Variants in AGAP1 observed in about 807,000 individuals in gnomAD.
The protein encoded by AGAP1 is arf-GAP with GTPase, ANK repeat and PH domain-containing protein 1.
In AGAP1, 29 loss-of-function variants were observed where a neutral mutation model predicts 105.3. The ratio of observed to expected loss-of-function variants is 0.28; its 90% CI spans 0.21 to 0.38. AGAP1 has a LOEUF of 0.38. AGAP1 is among the 10% of genes least tolerant of loss of function. AGAP1 has a pLI of 1.00. For synonymous variants in AGAP1, 509 were observed against 485.9 expected, an observed-to-expected ratio of 1.05 and a Z score of -0.63; for missense variants, 998 against 1,165.1, an observed-to-expected ratio of 0.86 and a Z score of 2.09.
chr2:235,704,250 C>G (rs1481266942), intron 1 of AGAP1, among the ~76,000 whole-genome samples: 1 of 152,228 alleles, frequency 6.6e-6, no homozygotes, highest in Non-Finnish European at 1.5e-5. Context: ...CAGAAATTCC[C>G]GCTCTTGGAG....
In AGAP1 at chr2:235,639,377, C is replaced by T. The variant is rs932462144; in HGVS notation, c.164-69802C>T. The stretch of plus-strand genomic sequence containing the variant: ...AGCTCACCCAGGACCACGGTGTGGC[C>T]TGAGAAGTCGGCCTGCGATAGAACC... On this transcript the variant is annotated intron_variant, in intron 1 of 17. Coordinates refer to ENST00000304032, the MANE Select transcript of AGAP1 (RefSeq NM_001037131.3). This position sits in a 1 kb window ranked among gnomAD's most constrained non-coding sequence, Gnocchi z 5.3. Among the ~76,000 whole-genome samples the T allele has an allele frequency of 1.3e-5, 2 of 152,096 alleles. No individual in the cohort carries two copies. The highest frequency in any genetic ancestry group is 2.1e-4 in the South Asian group (1 of 4,828).
intron 16 of AGAP1, among the ~76,000 whole-genome samples, chr2:236,064,897 A>G (rs961497336): frequency 1.3e-5 from 2 of 152,262 alleles, no homozygotes; most frequent in Non-Finnish European, 2.9e-5. Flanking sequence ...CTGTTCTGTA[A>G]TATTCCAGAG....
At chr2:235,968,361 G>T in intron 12 of AGAP1, 101 bp from the exon 13 acceptor site, 2 of 1,413,824 alleles carry the variant, frequency 1.4e-6, no homozygotes, top group Non-Finnish European at 1.9e-6. Flanking sequence ...GGCCTGTGTG[G>T]TATGAGAGGA....
Position 236,036,789 on chromosome 2 carries a change from G to A in AGAP1, c.1800+74G>A. 2.5e-6 allele frequency: 4 copies of A among 1,575,888 alleles called. No homozygotes were observed. Among genetic ancestry groups the A allele is most frequent in the Admixed American group, 1.9e-5 (1 of 51,800 alleles). ...GTGCGGGCCCCAAGTAATGCCCCAGGGAGGAGAAAATAGAGGACCAGTGTG... is the reference window on the plus strand; with the variant it reads ...GTGCGGGCCCCAAGTAATGCCCCAGAGAGGAGAAAATAGAGGACCAGTGTG... On this transcript the variant is annotated intron_variant, in intron 14 of 17. Transcript: ENST00000304032. This position sits in a 1 kb window ranked among gnomAD's most constrained non-coding sequence, Gnocchi z 5.7.
At chr2:235,935,340 T>A (rs937560766) in intron 12 of AGAP1, among the ~76,000 whole-genome samples, 1 of 152,194 alleles carries the variant, frequency 6.6e-6, no homozygotes, top group Non-Finnish European at 1.5e-5. Flanking sequence ...ATTTTTTAAA[T>A]GCAGAAACAT....
rs2058102470 is a variant in AGAP1, at chr2:236,058,405, G to A, written c.2114+9124G>A. Among the ~76,000 whole-genome samples, 2 of 152,230 alleles carry A rather than the reference G, an allele frequency of 1.3e-5. No individual in the cohort carries two copies. The highest frequency in any genetic ancestry group is 2.9e-5 in the Non-Finnish European group (2 of 68,048). ...TCAGGTGGCACTGAATGCAAGGAAG[G>A]CAAGGTTGGTTCGACACGCAAAAAT... On this transcript the variant is annotated intron_variant, in intron 16 of 17. Coordinates refer to ENST00000304032, the MANE Select transcript of AGAP1 (RefSeq NM_001037131.3). This position sits in a 1 kb window ranked among gnomAD's most constrained non-coding sequence, Gnocchi z 4.6.
intron 1 of AGAP1, among the ~76,000 whole-genome samples, chr2:235,534,901 G>T (rs1219288056): frequency 6.6e-6 from 1 of 152,156 alleles, no homozygotes; most frequent in Non-Finnish European, 1.5e-5. Flanking sequence ...GGGGTCCTTG[G>T]ATGAGTTATC....
chr2:235,650,474 C>T (rs1465873201), intron 1 of AGAP1, among the ~76,000 whole-genome samples: 1 of 152,178 alleles, frequency 6.6e-6, no homozygotes, highest in Non-Finnish European at 1.5e-5. Flanking sequence ...TGCCCACTCA[C>T]CCATCCATCC....
In AGAP1 at chr2:235,729,576, C is replaced by T. The variant is rs939046180; in HGVS notation, c.311-11387C>T. Among the ~76,000 whole-genome samples the T allele has an allele frequency of 6.6e-6, 1 of 152,078 alleles. No individual in the cohort carries two copies. Among genetic ancestry groups the T allele is most frequent in the African/African-American group, 2.4e-5 (1 of 41,382 alleles). Reference sequence around the variant, plus strand: ...GGTCTTGGTGCTTTCCAGCTCAGGGCGTTGGTCCACTTGGTTATTCTTGGG... The same window carrying T: ...GGTCTTGGTGCTTTCCAGCTCAGGGTGTTGGTCCACTTGGTTATTCTTGGG... On this transcript the variant is annotated intron_variant, in intron 3 of 17. Transcript: ENST00000304032. The surrounding 1 kb of genome is among the most constrained non-coding windows in gnomAD (Gnocchi z 5.0).
intron 9 of AGAP1, among the ~76,000 whole-genome samples, chr2:235,832,470 A>C (rs927714139): frequency 2.0e-5 from 3 of 152,238 alleles, no homozygotes; most frequent in African/African-American, 7.2e-5. Flanking sequence ...CAAAATCATC[A>C]ACTCTTCCGA....
intron 13 of AGAP1, among the ~76,000 whole-genome samples, chr2:236,028,235 G>C (rs991293865): frequency 1.3e-5 from 2 of 152,112 alleles, no homozygotes; most frequent in African/African-American, 4.8e-5. Context: ...GGGCCTTGTT[G>C]GTGTTTCATG....
intron 9 of AGAP1, among the ~76,000 whole-genome samples, chr2:235,814,272 C>G (rs1266684633): frequency 3.3e-5 from 5 of 152,188 alleles, no homozygotes; most frequent in Admixed American, 3.3e-4. Context: ...TCCCATTTCA[C>G]CGGGATAATA....
chr2:235,817,441 T>C (rs1169003379), intron 9 of AGAP1, among the ~76,000 whole-genome samples: 4 of 152,078 alleles, frequency 2.6e-5, no homozygotes, highest in African/African-American at 9.7e-5. Context: ...AAAAACACTT[T>C]TTCCTCTCCT....
chr2:235,766,801 G>T (rs1208539325), intron 6 of AGAP1, among the ~76,000 whole-genome samples: 1 of 151,898 alleles, frequency 6.6e-6, no homozygotes, highest in East Asian at 1.9e-4. Flanking sequence ...GAGTGCAGTG[G>T]TAAGATCTCG....
At chr2:235,678,594 G>C (rs1228724696) in intron 1 of AGAP1, among the ~76,000 whole-genome samples, 3 of 152,164 alleles carry the variant, frequency 2.0e-5, no homozygotes, top group Admixed American at 1.3e-4. Flanking sequence ...TCCCATCCTA[G>C]TTTTCAAGGT....
Position 235,963,522 on chromosome 2 carries a change from G to A in AGAP1, c.1484-4940G>A, listed in dbSNP as rs1057474063. ...GTTGTCAAAAATACGTGTGAGTTGG[G>A]TACCATATAGCCCTCAGCAGAGTAT... On this transcript the variant is annotated intron_variant, in intron 12 of 17. Transcript: ENST00000304032. This position sits in a 1 kb window ranked among gnomAD's most constrained non-coding sequence, Gnocchi z 5.1. Among the ~76,000 whole-genome samples, 2 of 152,174 alleles carry A rather than the reference G, an allele frequency of 1.3e-5. No individual in the cohort carries two copies. The highest frequency in any genetic ancestry group is 6.5e-5 in the Admixed American group (1 of 15,282).
At chr2:235,851,068 G>T (rs575707674) in intron 9 of AGAP1, among the ~76,000 whole-genome samples, 1 of 152,344 alleles carries the variant, frequency 6.6e-6, no homozygotes, top group East Asian at 1.9e-4. Context: ...TCTCCCACAG[G>T]AAGGGCGCTG....
rs529087705 is a variant in AGAP1, at chr2:235,936,616, AT to A, written c.1483+5701del. On this transcript the variant is annotated intron_variant, in intron 12 of 17. Transcript: ENST00000304032. The surrounding 1 kb of genome is among the most constrained non-coding windows in gnomAD (Gnocchi z 4.7). The stretch of plus-strand genomic sequence containing the variant: ...CAATTTTAATCATTATAGTTGGAGC[AT>A]TTTTTTTCTCTTCTTGGATATTATA... Among the ~76,000 whole-genome samples, 2 of 151,834 alleles carry A rather than the reference AT, an allele frequency of 1.3e-5. No homozygotes were observed. The highest frequency in any genetic ancestry group is 4.8e-5 in the African/African-American group (2 of 41,314).
intron 11 of AGAP1, among the ~76,000 whole-genome samples, chr2:235,926,336 C>G (rs921906335): frequency 6.6e-6 from 1 of 152,178 alleles, no homozygotes; most frequent in South Asian, 2.1e-4. Context: ...GTGGAAATGC[C>G]TCAAAACTGT....
Sources: allele counts gnomAD v4.1 joint callset (sites outside exome capture counted in the v4.1 genomes callset), GRCh38; gene constraint gnomAD v4.1.1; non-coding constraint Gnocchi (gnomAD v3.1); transcripts MANE v1.5; gene names NCBI Gene and HGNC (gene_info 2026-07-23, HGNC 2026-07-21).